Variants in PROSER1 observed in about 807,000 individuals in gnomAD.
PROSER1 encodes proline and serine rich 1.
PROSER1 carries 36 observed loss-of-function variants against 71.8 expected under a neutral mutation model. The ratio of observed to expected loss-of-function variants is 0.50; its 90% CI spans 0.38 to 0.66. The LOEUF is 0.66. Among genes scored for constraint, PROSER1 ranks in the 30% least tolerant of loss-of-function variants. PROSER1 has a pLI of 0.00. For missense variants in PROSER1, 1,107 were observed against 1,135.0 expected (o/e 0.98, Z 0.35); for synonymous variants, 490 against 452.4 (o/e 1.08, Z -1.06).
chr13:39,022,281 T>C (rs770461901), intron 9 of PROSER1, 45 bp downstream of exon 9: 20 of 1,250,626 alleles, frequency 1.6e-5, no homozygotes, highest in Non-Finnish European at 2.4e-5. Context: ...AAGTGTACAT[T>C]TGTATATGAA....
At chr13:39,027,337 A>T (rs758104010) in intron 5 of PROSER1, among the ~76,000 whole-genome samples, 2 of 152,154 alleles carry the variant, frequency 1.3e-5, no homozygotes, top group Non-Finnish European at 2.9e-5. Flanking sequence ...ATTTGGGGCC[A>T]AAAGGTATAA....
Position 39,021,683 on chromosome 13 carries a change from T to C in PROSER1, c.730+643A>G, listed in dbSNP as rs116624964. On this transcript the variant is annotated intron_variant, in intron 9 of 12. Coordinates refer to ENST00000352251, the MANE Select transcript of PROSER1 (RefSeq NM_025138.5). The stretch of plus-strand genomic sequence containing the variant: ...TCCTCATATTTGATTATCAGTCTGT[T>C]TTCACCTGTTTCTTCCTTAACTTAA... 3.6e-3 allele frequency among the ~76,000 whole-genome samples: 554 copies of C among 152,180 alleles called. 3 individuals carry two copies. The highest frequency in any genetic ancestry group is 0.013 in the African/African-American group (543 of 41,442).
In PROSER1 at chr13:39,036,397, A is replaced by T. The variant is rs753184233; in HGVS notation, c.45+801T>A. Among the ~76,000 whole-genome samples, 107 of 152,330 alleles carry T rather than the reference A, an allele frequency of 7.0e-4. 2 individuals are homozygous for T. Among genetic ancestry groups the T allele is most frequent in the Non-Finnish European group, 4.7e-4 (32 of 68,028 alleles). ...ACATGGCAACAATTTCTTCCGTTTC[A>T]GTCAAGGGTCGTAAAGGTATGCAGC... On this transcript the variant is annotated intron_variant, in intron 1 of 12. Transcript: ENST00000352251.
intron 9 of PROSER1, among the ~76,000 whole-genome samples, chr13:39,018,476 AC>A (rs1870113537): frequency 1.3e-4 from 10 of 74,484 alleles, no homozygotes; most frequent in African/African-American, 5.4e-5. Flanking sequence ...AAAACCCGAC[AC>A]ACACACACAC....
chr13:39,034,209 A>AC lies in PROSER1; in HGVS notation c.46-14_46-13insG, dbSNP rs1555240611. ...CTGTCAAAACAGCCTAAAAAAAAAAAACACACACACACAGAGTAAAACAGC... is the reference window on the plus strand; with the variant it reads ...CTGTCAAAACAGCCTAAAAAAAAAAACACACACACACACAGAGTAAAACAGC... On this transcript the variant is annotated splice_polypyrimidine_tract_variant and intron_variant, in intron 1 of 12. Transcript: ENST00000352251. 0.02 allele frequency: 30,397 copies of AC among 1,548,298 alleles called. 153 individuals carry two copies. Among genetic ancestry groups the AC allele is most frequent in the South Asian group, 0.032 (2,640 of 82,430 alleles).
chr13:39,013,221 G>A lies in PROSER1; in HGVS notation c.2031C>T (p.Ser677=). Residue 677 remains serine, a synonymous_variant, in exon 11 of 13, where the codon TCC becomes TCT. Transcript: ENST00000352251. The part of the protein sequence containing the change: ...STPLNGSNPL[S]SISLPPHGSS... The stretch of plus-strand genomic sequence containing the variant: ...AACCATGTGGTGGAAGGGAAATAGA[G>A]GAAAGAGGATTTGAACCATTTAAAG... 6.2e-7 allele frequency: 1 copy of A among 1,614,100 alleles called. No homozygotes were observed.
Position 39,028,233 on chromosome 13 carries a change from A to C in PROSER1, c.363T>G (p.Leu121=), listed in dbSNP as rs369393590. Reference sequence around the variant, plus strand: ...ACAATCTTTAGAAAACTACCTGTTCAAGTATTCTCTTGCACCGTTTCTTCT... The same window carrying C: ...ACAATCTTTAGAAAACTACCTGTTCCAGTATTCTCTTGCACCGTTTCTTCT... ...MSEKKRCKRI[L]EQAFKGGCKA... Residue 121 remains leucine (L), a synonymous_variant, in exon 5 of 13, where the codon CTT becomes CTG. Transcript: ENST00000352251. 159 of 1,552,182 alleles carry C rather than the reference A, an allele frequency of 1.0e-4. 1 individual carries two copies. In the East Asian group the frequency reaches 1.5e-3, roughly 14 times the overall value.
intron 10 of PROSER1, among the ~76,000 whole-genome samples, chr13:39,015,299 G>A (rs1006922555): frequency 1.3e-5 from 2 of 151,964 alleles, no homozygotes; most frequent in African/African-American, 4.8e-5. Context: ...GGGATGATGT[G>A]GGCTCCCCTC....
intron 8 of PROSER1, 56 bp from the exon 9 acceptor site, chr13:39,022,468 A>AT (rs1359550216): frequency 1.7e-6 from 2 of 1,195,446 alleles, no homozygotes; most frequent in Non-Finnish European, 2.5e-6. Context: ...TGTGACTGGT[A>AT]TTGTTCTGTG....
In PROSER1 at chr13:39,014,047, G is replaced by T; in HGVS notation, c.1205C>A (p.Pro402His). 6.8e-6 allele frequency: 11 copies of T among 1,614,188 alleles called. No homozygotes were observed. Among genetic ancestry groups the T allele is most frequent in the Non-Finnish European group, 9.3e-6 (11 of 1,180,018 alleles). ...GGTGGAAAAGGGGAGGCTAGTGAAA[G>T]GTGCAGAAGTAGAAGCAAATGCTTC... ...SSEAFASTSA[P>H]FTSLPFSTSS... Residue 402 changes from proline (P) to histidine (H), a missense_variant, in exon 11 of 13, where the codon CCT becomes CAT. Pro to His is a moderately conservative substitution (Grantham distance 77). Transcript: ENST00000352251.
At chr13:39,027,388 G>GTA (rs1870597293) in intron 5 of PROSER1, among the ~76,000 whole-genome samples, 1 of 152,060 alleles carries the variant, frequency 6.6e-6, no homozygotes, top group Admixed American at 6.6e-5. Context: ...TAGAAAAGTT[G>GTA]TACTAATTTA....
intron 4 of PROSER1, 86 bp from the exon 5 acceptor site, chr13:39,028,406 T>G: frequency 3.0e-6 from 2 of 676,140 alleles, no homozygotes; most frequent in Non-Finnish European, 5.3e-6. Context: ...CACAAACATC[T>G]GAGTAAGCGT....
intron 11 of PROSER1, 86 bp downstream of exon 11, chr13:39,012,605 A>T (rs1869717237): frequency 9.2e-7 from 1 of 1,092,814 alleles, no homozygotes; most frequent in African/African-American, 1.6e-5. Flanking sequence ...TTAGATTTTG[A>T]CATTCATTTT....
At position 39,014,156 on chromosome 13, in the gene PROSER1, C is replaced by G; in HGVS notation, c.1096G>C (p.Val366Leu). 6.2e-7 allele frequency: 1 copy of G among 1,614,070 alleles called. No homozygotes were observed. Among genetic ancestry groups the G allele is most frequent in the Non-Finnish European group, 8.5e-7 (1 of 1,180,022 alleles). Residue 366 changes from valine (V) to leucine (L), a missense_variant, in exon 11 of 13, where the codon GTG becomes CTG. Val to Leu is a conservative substitution (Grantham distance 32, BLOSUM62 1). Transcript: ENST00000352251. ...TPVPSIFSGL[V>L]SLPGPSATPT... ...GTGGCAGAAGGACCTGGCAGTGACA[C>G]TAGGCCAGAAAAAATGGAAGGAACA...
At position 39,014,205 on chromosome 13, in the gene PROSER1, G is replaced by T. The variant is rs765737474; in HGVS notation, c.1047C>A (p.Ser349=). The change falls in exon 11 of 13, where the codon TCC becomes TCA. Residue 349 remains serine (S), a synonymous_variant. Coordinates refer to ENST00000352251, the MANE Select transcript of PROSER1 (RefSeq NM_025138.5). The part of the protein sequence containing the change: ...TPSLPTAPVT[S]IHSTTTTPVP... ...CAGGAGTGGTGGTTGTACTGTGGAT[G>T]GATGTAACAGGTGCAGTGGGCAATG... 1 of 1,614,164 alleles carries T rather than the reference G, an allele frequency of 6.2e-7. No homozygotes were observed. Among genetic ancestry groups the T allele is most frequent in the South Asian group, 1.1e-5 (1 of 91,088 alleles).
intron 10 of PROSER1, among the ~76,000 whole-genome samples, chr13:39,016,516 C>T (rs1413435392): frequency 6.6e-6 from 1 of 152,204 alleles, no homozygotes; most frequent in Non-Finnish European, 1.5e-5. Context: ...ATCATGCTAA[C>T]ATCGTACAAC....
intron 8 of PROSER1, 126 bp downstream of exon 8, chr13:39,022,926 A>C (rs1870362115): frequency 1.4e-6 from 1 of 691,826 alleles, no homozygotes; most frequent in African/African-American, 1.8e-5. Flanking sequence ...TATGGGCATA[A>C]TTAAGCTCAC....
chr13:39,019,465 G>A (rs181475622), intron 9 of PROSER1, among the ~76,000 whole-genome samples: 17 of 131,662 alleles, frequency 1.3e-4, no homozygotes, highest in Middle Eastern at 5.7e-3. Context: ...GTGGTGAGCC[G>A]ACATTGCGCC....
chr13:39,023,680 C>T (rs979888086), intron 7 of PROSER1: 1 of 152,490 alleles, frequency 6.6e-6, no homozygotes, highest in African/African-American at 2.4e-5. Context: ...AGTTGTTCTG[C>T]CTTTTGAAAT....
Sources: allele counts gnomAD v4.1 joint callset (sites outside exome capture counted in the v4.1 genomes callset), GRCh38; gene constraint gnomAD v4.1.1; transcripts MANE v1.5; gene names NCBI Gene and HGNC (gene_info 2026-07-23, HGNC 2026-07-21).